Variants in STAT2 observed in about 807,000 individuals in gnomAD.
The protein encoded by STAT2 is interferon alpha induced transcriptional activator.
Under a neutral mutation model 122.3 loss-of-function variants are expected in STAT2, and 51 were observed. The observed-to-expected ratio is 0.42, with a 90% confidence interval of 0.33 to 0.53. The LOEUF (loss-of-function observed/expected upper bound fraction) is 0.53, where lower values mean the gene tolerates loss of function less well. Ranked by LOEUF, STAT2 falls within the 20% of genes least tolerant of loss-of-function variation. The pLI is 0.10. For missense variants in STAT2, 736 were observed against 1,010.3 expected, an observed-to-expected ratio of 0.73 and a Z score of 3.68; for synonymous variants, 351 against 394.9, an observed-to-expected ratio of 0.89 and a Z score of 1.32.
rs1421090968 is a variant in STAT2, at chr12:56,351,351, G to A, written c.882C>T (p.Thr294=). Residue 294 remains threonine (T), a synonymous_variant, in exon 9 of 24, where the codon ACC becomes ACT. Coordinates refer to ENST00000314128, the MANE Select transcript of STAT2 (RefSeq NM_005419.4). The part of the protein sequence containing the change: ...CLVSYQDDPL[T]KGVDLRNAQV... ...GGGCGTTGCGTAGGTCCACCCCTTT[G>A]GTCAGAGGGTCATCCTGATAGCTAA... 6.2e-7 allele frequency: 1 copy of A among 1,614,010 alleles called. No homozygotes were observed. The highest frequency in any genetic ancestry group is 1.3e-5 in the African/African-American group (1 of 74,886).
chr12:56,350,429 A>G lies in STAT2; in HGVS notation c.1098T>C (p.Asn366=). The change falls in exon 12 of 24, where the codon AAT becomes AAC. Residue 366 remains asparagine, a synonymous_variant. Transcript: ENST00000314128. The stretch of plus-strand genomic sequence containing the variant: ...GCACCTACCCTTGTAATTGAGGAGG[A>G]TTCCTGAAAAGAAATAAATTTAAAA... ...SLTVEVSIDR[N]PPQLQGFRKF... 1.2e-6 allele frequency: 2 copies of G among 1,606,376 alleles called. No individual in the cohort carries two copies. Among genetic ancestry groups the G allele is most frequent in the Non-Finnish European group, 1.7e-6 (2 of 1,177,522 alleles).
chr12:56,343,623 T>C, intron 23 of STAT2, 92 bp from the exon 24 acceptor site: 1 of 1,549,786 alleles, frequency 6.5e-7, no homozygotes, highest in East Asian at 2.3e-5. Context: ...AGGAAAGGCC[T>C]GGGAAGAGCC....
chr12:56,350,183 TC>T lies in STAT2; in HGVS notation c.1122del (p.Lys375SerfsTer5). ...TGGTTTGAAGTCAGAATGTTGAACT[TC>T]CGGAAGCTGTTCCAGGAGGAAGATA... ...DRNPPQLQGF[R>X]KFNILTSNQK... is the part of the protein sequence containing the mutation. On this transcript the variant is annotated frameshift_variant, in exon 13 of 24. Coordinates refer to ENST00000314128, the MANE Select transcript of STAT2 (RefSeq NM_005419.4). LOFTEE classifies it high-confidence loss of function. 1 of 1,611,018 alleles carries T rather than the reference TC, an allele frequency of 6.2e-7. No individual in the cohort carries two copies. The highest frequency in any genetic ancestry group is 8.5e-7 in the Non-Finnish European group (1 of 1,179,200).
chr12:56,359,442 T>A (rs1880038278), intron 1 of STAT2, among the ~76,000 whole-genome samples: 1 of 141,408 alleles, frequency 7.1e-6, no homozygotes, highest in Non-Finnish European at 1.6e-5. Flanking sequence ...GAGGTCCCAA[T>A]TCTTGAGGAT....
At position 56,342,493 on chromosome 12, in the gene STAT2, G is replaced by T. The variant is rs913713750; in HGVS notation, c.*896C>A. ...TGGTGCTAGCTACCCAGGAGGCTGA[G>T]GTAGGAGGATTGCTTGAACCCAGGA... On this transcript the variant is annotated 3_prime_UTR_variant, in exon 24 of 24. Transcript: ENST00000314128. The T allele has an allele frequency of 6.6e-6, 1 of 152,208 alleles. No individual in the cohort carries two copies. The highest frequency in any genetic ancestry group is 2.4e-5 in the African/African-American group (1 of 41,402). 9.4% of individuals were successfully genotyped at this position (152,208 alleles called of 1,614,324 possible). A position where few individuals can be genotyped will look rare whatever the true frequency, so the allele number is the denominator to read the frequency against.
intron 8 of STAT2, among the ~76,000 whole-genome samples, chr12:56,351,691 T>C (rs186262206): frequency 1.6e-4 from 24 of 152,370 alleles, no homozygotes; most frequent in Admixed American, 1.1e-3. Flanking sequence ...TCATATGCTA[T>C]GTACAACTTA....
At position 56,348,749 on chromosome 12, in the gene STAT2, T is replaced by C. The variant is rs1877947983; in HGVS notation, c.1629+3A>G. The C allele has an allele frequency of 6.2e-7, 1 of 1,614,162 alleles. No individual in the cohort carries two copies. The highest frequency in any genetic ancestry group is 8.5e-7 in the Non-Finnish European group (1 of 1,180,028). On this transcript the variant is annotated splice_donor_region_variant and intron_variant, in intron 18 of 23. Coordinates refer to ENST00000314128, the MANE Select transcript of STAT2 (RefSeq NM_005419.4). ...AGCAGCTCCACAGGATTCAGGGAGTTACCTTAGTGAAGTCAGCCCAGGACA... is the reference window on the plus strand; with the variant it reads ...AGCAGCTCCACAGGATTCAGGGAGTCACCTTAGTGAAGTCAGCCCAGGACA...
intron 9 of STAT2, 42 bp downstream of exon 9, chr12:56,351,250 T>C (rs1878427767): frequency 1.2e-6 from 2 of 1,612,172 alleles, no homozygotes; most frequent in East Asian, 4.5e-5. Flanking sequence ...ATGGCTTCCC[T>C]TGTTCCTTCT....
intron 1 of STAT2, among the ~76,000 whole-genome samples, chr12:56,357,710 C>CTTT (rs940388949): frequency 3.1e-5 from 4 of 130,150 alleles, no homozygotes; most frequent in Admixed American, 1.6e-4. Context: ...AATTTTCTTT[C>CTTT]TTTTTTTTTT....
chr12:56,350,561 A>T (rs1209523501), intron 11 of STAT2, 129 bp from the exon 12 acceptor site: 6 of 834,780 alleles, frequency 7.2e-6, no homozygotes, highest in Admixed American at 5.5e-5. Flanking sequence ...CCTTGAGAAG[A>T]GATGTAATCA....
intron 15 of STAT2, 65 bp from the exon 16 acceptor site, chr12:56,349,326 G>T (rs748439193): frequency 5.6e-6 from 9 of 1,613,950 alleles, no homozygotes; most frequent in Non-Finnish European, 7.6e-6. Context: ...TTTGTTAGAG[G>T]AAAGGAGTGC....
At chr12:56,344,158 A>C in intron 22 of STAT2, 23 bp from the exon 23 acceptor site, 5 of 1,542,770 alleles carry the variant, frequency 3.2e-6, no homozygotes, top group Non-Finnish European at 8.8e-7. Context: ...AGACAGACAA[A>C]GGGGCAGGGC....
chr12:56,357,703 T>G (rs1879732855), intron 1 of STAT2, among the ~76,000 whole-genome samples: 1 of 150,538 alleles, frequency 6.6e-6, no homozygotes, highest in South Asian at 2.1e-4. Flanking sequence ...TAATGGGAAT[T>G]TTCTTTCTTT....
chr12:56,354,120 AG>A (rs1448034983), intron 8 of STAT2, among the ~76,000 whole-genome samples: 2 of 142,420 alleles, frequency 1.4e-5, no homozygotes, highest in African/African-American at 5.1e-5. Flanking sequence ...TTGTTTAATA[AG>A]CTAGGTAATA....
intron 1 of STAT2, among the ~76,000 whole-genome samples, chr12:56,359,309 C>G (rs1880011844): frequency 6.6e-6 from 1 of 151,992 alleles, no homozygotes; most frequent in Non-Finnish European, 1.5e-5. Flanking sequence ...GGCATGATGG[C>G]TCATGCCTGT....
intron 19 of STAT2, 29 bp downstream of exon 19, chr12:56,348,500 C>G (rs756360082): frequency 1.2e-5 from 20 of 1,611,816 alleles, no homozygotes; most frequent in Non-Finnish European, 1.6e-5. Flanking sequence ...AAGCACAAGC[C>G]CATGAGGGAA....
chr12:56,351,475 G>A, intron 8 of STAT2, 25 bp from the exon 9 acceptor site: 2 of 1,608,490 alleles, frequency 1.2e-6, no homozygotes, highest in South Asian at 1.1e-5. Context: ...TCAGGAAGAA[G>A]GAATCCATGA....
At position 56,354,537 on chromosome 12, in the gene STAT2, C is replaced by G. The variant is rs751721242; in HGVS notation, c.711G>C (p.Glu237Asp). 1 of 1,614,210 alleles carries G rather than the reference C, an allele frequency of 6.2e-7. No homozygotes were observed. Among genetic ancestry groups the G allele is most frequent in the Admixed American group, 1.7e-5 (1 of 60,024 alleles). ...LIELLLPKLE[E>D]WKAQQQKACI... ...AGGCTTTTTGCTGCTGGGCCTTCCA[C>G]TCCTCCAACTTTGGCAGCAGTAGCT... Residue 237 changes from glutamate (E) to aspartate (D), a missense_variant, in exon 8 of 24, where the codon GAG becomes GAC. Transcript: ENST00000314128.
At chr12:56,348,399 A>G (rs2136050476) in intron 19 of STAT2, 130 bp downstream of exon 19, 2 of 918,900 alleles carry the variant, frequency 2.2e-6, no homozygotes, top group Middle Eastern at 5.0e-4. Flanking sequence ...ATTATTGTTA[A>G]CAAATGTGAG....
Sources: allele counts gnomAD v4.1 joint callset (sites outside exome capture counted in the v4.1 genomes callset), GRCh38; gene constraint gnomAD v4.1.1; transcripts MANE v1.5; gene names NCBI Gene and HGNC (gene_info 2026-07-23, HGNC 2026-07-21).